Variants in LGALS9 observed in about 807,000 individuals in gnomAD.
LGALS9 encodes galectin-9.
Under a neutral mutation model 35.9 loss-of-function variants are expected in LGALS9, and 26 were observed. The observed-to-expected ratio is 0.72, with a 90% confidence interval of 0.53 to 1.01. The LOEUF (loss-of-function observed/expected upper bound fraction) is 1.01, where lower values mean the gene tolerates loss of function less well. Among genes scored for constraint, LGALS9 ranks in the 50% least tolerant of loss-of-function variants. The pLI, the probability that LGALS9 is intolerant of heterozygous loss-of-function variation, is 0.00. For synonymous variants in LGALS9, 149 were observed against 172.2 expected (o/e 0.87, Z 1.06); for missense variants, 347 against 445.8 (o/e 0.78, Z 1.99).
In LGALS9 at chr17:27,649,468, T is replaced by C; in HGVS notation, c.*486T>C. 1 of 197,490 alleles carries C rather than the reference T, an allele frequency of 5.1e-6. No homozygotes were observed. Among genetic ancestry groups the C allele is most frequent in the Non-Finnish European group, 1.1e-5 (1 of 94,550 alleles). The allele number at this position is 197,490 out of a possible 1,614,324, so 12.2% of individuals were successfully genotyped here. A position where few individuals can be genotyped will look rare whatever the true frequency, so the allele number is the denominator to read the frequency against. On this transcript the variant is annotated 3_prime_UTR_variant, in exon 11 of 11. Transcript: ENST00000395473. Reference sequence around the variant, plus strand: ...CAGGCCTGATGGCTTCCCACTGGCCTCCACCACCTGACCAGAGTGTTCTCT... The same window carrying C: ...CAGGCCTGATGGCTTCCCACTGGCCCCCACCACCTGACCAGAGTGTTCTCT...
At chr17:27,648,761 G>A in intron 10 of LGALS9, 75 bp from the exon 11 acceptor site, 3 of 1,605,184 alleles carry the variant, frequency 1.9e-6, no homozygotes, top group Non-Finnish European at 2.6e-6. Context: ...GAGGGTGGGA[G>A]GGAGGGAGAG....
At chr17:27,633,822 C>A (rs889134735) in intron 1 of LGALS9, among the ~76,000 whole-genome samples, 3 of 152,246 alleles carry the variant, frequency 2.0e-5, no homozygotes, top group African/African-American at 7.2e-5. Context: ...GCACCCAGTC[C>A]TCTCCAGAAC....
intron 4 of LGALS9, 115 bp downstream of exon 4, chr17:27,642,463 G>A: frequency 6.9e-7 from 1 of 1,442,052 alleles, no homozygotes; most frequent in Non-Finnish European, 9.3e-7. Flanking sequence ...TCACTCTGGG[G>A]ACAACCTCTG....
intron 1 of LGALS9, among the ~76,000 whole-genome samples, chr17:27,633,203 T>G (rs2074409288): frequency 6.6e-6 from 1 of 152,240 alleles, no homozygotes; most frequent in Non-Finnish European, 1.5e-5. Flanking sequence ...AGCAAGTGAC[T>G]GAACTTTTCT....
chr17:27,648,723 G>C, intron 10 of LGALS9, 113 bp from the exon 11 acceptor site: 1 of 1,558,438 alleles, frequency 6.4e-7, no homozygotes, highest in Non-Finnish European at 8.7e-7. Context: ...GTGCAGGTGA[G>C]GGGCTTATTA....
rs543601010 is a variant in LGALS9, at chr17:27,639,775, C to A, written c.132-797C>A. Among the ~76,000 whole-genome samples, 3 of 152,164 alleles carry A rather than the reference C, an allele frequency of 2.0e-5. No individual in the cohort carries two copies. In the East Asian group the frequency reaches 5.8e-4, roughly 29 times the overall value. On this transcript the variant is annotated intron_variant, in intron 2 of 10. Transcript: ENST00000395473. Reference sequence around the variant, plus strand: ...TATTTTGAGATGGAGTCTCGCTCTGCCACCAGGCTGGAGTGCTGTGGCGCT... The same window carrying A: ...TATTTTGAGATGGAGTCTCGCTCTGACACCAGGCTGGAGTGCTGTGGCGCT...
rs1904395479 is a variant in LGALS9 at position 27,640,609 on chromosome 17, G to A, written c.169G>A (p.Asp57Asn). The change falls in exon 3 of 11, where the codon GAC becomes AAC. Residue 57 changes from aspartate (D) to asparagine (N), a missense_variant. Transcript: ENST00000395473. Reference sequence around the variant, plus strand: ...CTTTCAGACTGGCTTCAGTGGAAATGACATTGCCTTCCACTTCAACCCTCG... The same window carrying A: ...CTTTCAGACTGGCTTCAGTGGAAATAACATTGCCTTCCACTTCAACCCTCG... ...VNFQTGFSGNDIAFHFNPRFE... is the reference protein window; with the variant it reads ...VNFQTGFSGNNIAFHFNPRFE... The A allele has an allele frequency of 6.2e-7, 1 of 1,614,028 alleles. No homozygotes were observed.
intron 1 of LGALS9, among the ~76,000 whole-genome samples, chr17:27,634,468 G>C (rs563651297): frequency 6.6e-6 from 1 of 152,144 alleles, no homozygotes; most frequent in African/African-American, 2.4e-5. Flanking sequence ...GGAGGGTCAC[G>C]TGAGCCTGAG....
chr17:27,640,447 G>C, intron 2 of LGALS9, 125 bp from the exon 3 acceptor site: 1 of 1,387,196 alleles, frequency 7.2e-7, no homozygotes. Flanking sequence ...CAACAAAGCA[G>C]TCTCTGCCAT....
intron 4 of LGALS9, 156 bp downstream of exon 4, chr17:27,642,504 C>G (rs1266937134): frequency 2.6e-6 from 3 of 1,152,638 alleles, no homozygotes; most frequent in African/African-American, 1.6e-5. Flanking sequence ...CCCGCCCCTT[C>G]TCCTCTGTCA....
rs968587160 is a variant in LGALS9 at position 27,646,704 on chromosome 17, G to T, written c.669+116G>T. 12 of 1,527,510 alleles carry T rather than the reference G, an allele frequency of 7.9e-6. No homozygotes were observed. In the African/African-American group the frequency reaches 1.6e-4, roughly 21 times the overall value. 94.6% of individuals were successfully genotyped at this position (1,527,510 alleles called of 1,614,324 possible). On this transcript the variant is annotated intron_variant, in intron 8 of 10. Coordinates refer to ENST00000395473, the MANE Select transcript of LGALS9 (RefSeq NM_009587.3). The stretch of plus-strand genomic sequence containing the variant: ...AAAATTAAAAGCAGTCATTTGTTAA[G>T]CTGAAGGGCTTCAAAGCATCCCAGC...
intron 1 of LGALS9, among the ~76,000 whole-genome samples, chr17:27,636,793 T>G (rs1567912515): frequency 6.6e-6 from 1 of 152,052 alleles, no homozygotes; most frequent in Non-Finnish European, 1.5e-5. Flanking sequence ...ACATAATCCT[T>G]TTTGACAAAT....
chr17:27,639,388 C>T (rs2074491293), intron 2 of LGALS9, among the ~76,000 whole-genome samples: 1 of 151,958 alleles, frequency 6.6e-6, no homozygotes, highest in African/African-American at 2.4e-5. Context: ...CTTCCCACTC[C>T]CATCCTGTCA....
intron 5 of LGALS9, 50 bp from the exon 6 acceptor site, chr17:27,645,264 T>A (rs540823143): frequency 2.8e-5 from 45 of 1,613,724 alleles, no homozygotes; most frequent in Admixed American, 1.3e-4. Flanking sequence ...TCTCCTCCCA[T>A]TCTGTGGTGC....
chr17:27,636,599 A>C (rs1184530227), intron 1 of LGALS9, among the ~76,000 whole-genome samples: 1 of 151,964 alleles, frequency 6.6e-6, no homozygotes, highest in Non-Finnish European at 1.5e-5. Context: ...CCTCCCAAGT[A>C]ACTAGAGTTA....
rs553068727 is a variant in LGALS9, at chr17:27,639,618, G to C, written c.132-954G>C. Among the ~76,000 whole-genome samples the C allele has an allele frequency of 7.9e-5, 12 of 152,192 alleles. No homozygotes were observed. The East Asian group carries it at 2.1e-3, about 27-fold the overall frequency. On this transcript the variant is annotated intron_variant, in intron 2 of 10. Transcript: ENST00000395473. The stretch of plus-strand genomic sequence containing the variant: ...ACAGGGACTTTCTTTCACCCAGCCT[G>C]GAGTTCAGTGGTATGATCATAGCTC...
At chr17:27,640,402 A>C (rs1428459608) in intron 2 of LGALS9, 170 bp from the exon 3 acceptor site, 2 of 987,716 alleles carry the variant, frequency 2.0e-6, no homozygotes, top group Non-Finnish European at 3.0e-6. Context: ...AAACAAAAAC[A>C]CATTAGATCC....
At chr17:27,634,003 CA>C (rs1234694113) in intron 1 of LGALS9, among the ~76,000 whole-genome samples, 4 of 152,240 alleles carry the variant, frequency 2.6e-5, no homozygotes, top group African/African-American at 9.6e-5. Flanking sequence ...CCACATGGAA[CA>C]AAAGCAGGTC....
At chr17:27,643,383 C>G in intron 4 of LGALS9, 142 bp from the exon 5 acceptor site, 1 of 1,309,046 alleles carries the variant, frequency 7.6e-7, no homozygotes, top group Admixed American at 2.5e-5. Context: ...TCTTTCCCAT[C>G]CCATCTTGGC....
Sources: allele counts gnomAD v4.1 joint callset (sites outside exome capture counted in the v4.1 genomes callset), GRCh38; gene constraint gnomAD v4.1.1; transcripts MANE v1.5; gene names NCBI Gene and HGNC (gene_info 2026-07-23, HGNC 2026-07-21).